Variants in LRP12 observed in about 807,000 individuals in gnomAD.
LRP12 encodes the protein low-density lipoprotein receptor-related protein 12.
Under a neutral mutation model 66.0 loss-of-function variants are expected in LRP12, and 14 were observed. The ratio of observed to expected loss-of-function variants is 0.21; its 90% CI spans 0.14 to 0.33. The LOEUF (loss-of-function observed/expected upper bound fraction) is 0.33. Among genes scored for constraint, LRP12 ranks in the 10% least tolerant of loss-of-function variants. The probability of loss-of-function intolerance (pLI) is 1.00; values close to 1 mark genes in which losing one functional copy is unlikely to be tolerated. For missense variants in LRP12, 889 were observed against 1,053.4 expected, an observed-to-expected ratio of 0.84 and a Z score of 2.16; for synonymous variants, 357 against 359.1, an observed-to-expected ratio of 0.99 and a Z score of 0.07.
chr8:104,566,883 G>A (rs866119995), intron 1 of LRP12, among the ~76,000 whole-genome samples: 7 of 152,006 alleles, frequency 4.6e-5, no homozygotes, highest in African/African-American at 1.7e-4. Context: ...TAGCACAAGC[G>A]GCTGGTGATA....
Position 104,489,437 on chromosome 8 carries a change from C to A in LRP12, c.*1236G>T, listed in dbSNP as rs1810581756. The A allele has an allele frequency of 6.6e-6, 1 of 152,148 alleles. No individual in the cohort carries two copies. The highest frequency in any genetic ancestry group is 2.1e-4 in the South Asian group (1 of 4,820). The allele number at this position is 152,148 out of a possible 1,614,324, so 9.4% of individuals were successfully genotyped here. The stretch of plus-strand genomic sequence containing the variant: ...AGATACATTTTTCATAATCATTAAA[C>A]TACTAAAACAGACAGTTAAAGAATA... On this transcript the variant is annotated 3_prime_UTR_variant, in exon 7 of 7. Coordinates refer to ENST00000276654, the MANE Select transcript of LRP12 (RefSeq NM_013437.5).
rs566399742 is a variant in LRP12, at chr8:104,490,443, A to G, written c.*230T>C. 1.3e-5 allele frequency: 6 copies of G among 466,852 alleles called. No individual in the cohort carries two copies. The highest frequency in any genetic ancestry group is 2.3e-5 in the Non-Finnish European group (6 of 265,576). The allele number at this position is 466,852 out of a possible 1,614,324, so 28.9% of individuals were successfully genotyped here. A position where few individuals can be genotyped will look rare whatever the true frequency, so the allele number is the denominator to read the frequency against. On this transcript the variant is annotated 3_prime_UTR_variant, in exon 7 of 7. Transcript: ENST00000276654. ...AAAACAATCAGAAACAAATGAAAGGACATTATTGAACAATATGAATATGTG... is the reference window on the plus strand; with the variant it reads ...AAAACAATCAGAAACAAATGAAAGGGCATTATTGAACAATATGAATATGTG...
chr8:104,511,928 G>A (rs1050482218), intron 2 of LRP12, among the ~76,000 whole-genome samples: 8 of 151,084 alleles, frequency 5.3e-5, no homozygotes, highest in Non-Finnish European at 8.8e-5. Flanking sequence ...CTGCTGTTTC[G>A]TTAGTAAATC....
intron 4 of LRP12, among the ~76,000 whole-genome samples, 183 bp downstream of exon 4, chr8:104,499,134 T>C (rs1810784957): frequency 1.3e-5 from 2 of 152,222 alleles, no homozygotes; most frequent in South Asian, 2.1e-4. Flanking sequence ...GTTAGAATTA[T>C]ACAAAACACC....
At chr8:104,548,000 A>T (rs1811625946) in intron 1 of LRP12, among the ~76,000 whole-genome samples, 1 of 123,000 alleles carries the variant, frequency 8.1e-6, no homozygotes, top group South Asian at 2.4e-4. Context: ...TATATTTTGT[A>T]TATAATATAT....
intron 2 of LRP12, among the ~76,000 whole-genome samples, chr8:104,511,062 A>G (rs1810988104): frequency 1.0e-5 from 1 of 99,348 alleles, no homozygotes; most frequent in Non-Finnish European, 1.8e-5. Flanking sequence ...TTTTTTTGAG[A>G]TAGAGTCTCA....
chr8:104,505,399 C>CT (rs57277820), intron 3 of LRP12: 3,407 of 103,232 alleles, frequency 0.033, 32 homozygotes, highest in African/African-American at 0.041. Flanking sequence ...TCCTTCTTTC[C>CT]TTTTTTTTTT....
intron 1 of LRP12, among the ~76,000 whole-genome samples, chr8:104,584,355 C>T (rs1022485983): frequency 6.6e-6 from 1 of 151,624 alleles, no homozygotes; most frequent in Admixed American, 6.6e-5. Context: ...AACTTTCACC[C>T]CTTAAATTGT....
chr8:104,542,539 T>C (rs772273610), intron 1 of LRP12, among the ~76,000 whole-genome samples: 3 of 152,228 alleles, frequency 2.0e-5, no homozygotes, highest in Non-Finnish European at 4.4e-5. Flanking sequence ...TTTTGATGCT[T>C]GTGCTTTGGT....
At position 104,497,284 on chromosome 8, in the gene LRP12, T is replaced by C. The variant is rs138495724; in HGVS notation, c.1268A>G (p.Asn423Ser). Residue 423 changes from asparagine (N) to serine (S), a missense_variant, in exon 5 of 7, where the codon AAT becomes AGT. By Grantham distance (46) the Asn-to-Ser change is conservative. Transcript: ENST00000276654. The surrounding 1 kb of genome is among the most constrained non-coding windows in gnomAD (Gnocchi z 4.3). ...CQKEEFPCSRNGVCYPRSDRC... is the reference protein window; with the variant it reads ...CQKEEFPCSRSGVCYPRSDRC... ...ATCAGAACGAGGATAACAGACACCA[T>C]TTCGGGAACATGGAAATTCTTCCTT... is the stretch of plus-strand genomic sequence containing the variant. 84 of 1,614,178 alleles carry C rather than the reference T, an allele frequency of 5.2e-5. No homozygotes were observed. The African/African-American group carries it at 8.3e-4, about 16-fold the overall frequency.
intron 2 of LRP12, among the ~76,000 whole-genome samples, chr8:104,528,795 C>A (rs1229587569): frequency 1.3e-5 from 2 of 151,394 alleles, no homozygotes; most frequent in Admixed American, 6.6e-5. Context: ...AAAACAACAA[C>A]AAAAAACAGC....
chr8:104,555,738 G>T (rs1439242807), intron 1 of LRP12, among the ~76,000 whole-genome samples: 1 of 152,038 alleles, frequency 6.6e-6, no homozygotes, highest in East Asian at 1.9e-4. Flanking sequence ...TCTACTGACA[G>T]CACTAGATAG....
intron 1 of LRP12, among the ~76,000 whole-genome samples, chr8:104,546,796 G>T (rs1370849987): frequency 6.6e-6 from 1 of 150,706 alleles, no homozygotes; most frequent in African/African-American, 2.4e-5. Flanking sequence ...CCATTTTTAG[G>T]TGCCCAGTGC....
At chr8:104,534,332 G>T (rs2140864681) in intron 1 of LRP12, among the ~76,000 whole-genome samples, 1 of 152,054 alleles carries the variant, frequency 6.6e-6, no homozygotes, top group South Asian at 2.1e-4. Flanking sequence ...ATGAGCCTAA[G>T]GGTATAACAC....
intron 4 of LRP12, 80 bp from the exon 5 acceptor site, chr8:104,498,156 TA>T: frequency 7.7e-7 from 1 of 1,304,932 alleles, no homozygotes; most frequent in Non-Finnish European, 1.0e-6. Context: ...CAGCAAGTGA[TA>T]TTTTTATAAT....
At chr8:104,493,991 T>A (rs1271884283) in intron 6 of LRP12, among the ~76,000 whole-genome samples, 6 of 152,186 alleles carry the variant, frequency 3.9e-5, no homozygotes, top group Non-Finnish European at 8.8e-5. Context: ...CCTAGTAAAT[T>A]ATCAAACCTG....
At chr8:104,532,832 GTGTT>G (rs1031544966) in intron 1 of LRP12, among the ~76,000 whole-genome samples, 2 of 152,136 alleles carry the variant, frequency 1.3e-5, no homozygotes, top group African/African-American at 4.8e-5. Flanking sequence ...AACAGAATTT[GTGTT>G]TATTTGGCTC....
At chr8:104,562,858 T>C (rs1163965528) in intron 1 of LRP12, among the ~76,000 whole-genome samples, 2 of 152,138 alleles carry the variant, frequency 1.3e-5, no homozygotes, top group African/African-American at 4.8e-5. Flanking sequence ...CATTTAGAAA[T>C]CTCAATTAAT....
At chr8:104,520,806 T>G (rs1017344699) in intron 2 of LRP12, among the ~76,000 whole-genome samples, 11 of 152,170 alleles carry the variant, frequency 7.2e-5, no homozygotes, top group African/African-American at 2.4e-4. Flanking sequence ...AATTCATGCC[T>G]TGGCAAAAAT....
Sources: gnomAD v4.1 joint callset for allele counts (sites outside exome capture counted in the v4.1 genomes callset) on GRCh38, gnomAD v4.1.1 for gene constraint, Gnocchi (gnomAD v3.1) non-coding constraint, MANE v1.5 for transcripts, NCBI Gene and HGNC (gene_info 2026-07-23, HGNC 2026-07-21) for gene names.